Variants in PKNOX1 observed in about 807,000 individuals in gnomAD.
The protein encoded by PKNOX1 is homeobox protein PKNOX1.
Under a neutral mutation model 51.9 loss-of-function variants are expected in PKNOX1, and 15 were observed. The ratio of observed to expected loss-of-function variants is 0.29; its 90% CI spans 0.19 to 0.45. The LOEUF (loss-of-function observed/expected upper bound fraction) is 0.45, where lower values mean the gene tolerates loss of function less well. Ranked by LOEUF, PKNOX1 falls within the 20% of genes least tolerant of loss-of-function variation. PKNOX1 has a pLI of 1.00. For synonymous variants in PKNOX1, 219 were observed against 211.1 expected (o/e 1.04, Z -0.32); for missense variants, 462 against 547.5 (o/e 0.84, Z 1.56).
chr21:43,011,031 A>T (rs1263862546), intron 4 of PKNOX1, among the ~76,000 whole-genome samples: 1 of 150,754 alleles, frequency 6.6e-6, no homozygotes, highest in African/African-American at 2.4e-5. Context: ...GGACATGGAC[A>T]CAGACTTGAG....
chr21:42,975,514 TG>T (rs2146211704), intron 1 of PKNOX1, among the ~76,000 whole-genome samples: 1 of 152,302 alleles, frequency 6.6e-6, no homozygotes, highest in East Asian at 1.9e-4. Flanking sequence ...GCACCTTCCT[TG>T]TGAGGGAAAT....
intron 1 of PKNOX1, among the ~76,000 whole-genome samples, chr21:42,989,877 T>C (rs116340085): frequency 0.015 from 2,306 of 152,176 alleles, 77 homozygotes; most frequent in African/African-American, 0.052. Context: ...GGAGGGCAGA[T>C]TGCTTGAGCT....
Position 43,031,741 on chromosome 21 carries a change from T to G in PKNOX1, c.*1640T>G, listed in dbSNP as rs891131725. On this transcript the variant is annotated 3_prime_UTR_variant, in exon 11 of 11. Coordinates refer to ENST00000291547, the MANE Select transcript of PKNOX1 (RefSeq NM_004571.5). ...AGTGAAGAGTTTTTTCTGGAATTGA[T>G]TTTTCCCAAAAGAATATATTAATTG... The G allele has an allele frequency of 1.9e-5, 3 of 156,244 alleles. No individual in the cohort carries two copies. Among genetic ancestry groups the G allele is most frequent in the African/African-American group, 7.2e-5 (3 of 41,502 alleles). The allele number at this position is 156,244 out of a possible 1,614,324, so 9.7% of individuals were successfully genotyped here.
intron 1 of PKNOX1, among the ~76,000 whole-genome samples, chr21:42,987,142 G>T (rs1180860084): frequency 6.6e-6 from 1 of 151,882 alleles, no homozygotes; most frequent in African/African-American, 2.4e-5. Flanking sequence ...AGCACTTTGG[G>T]AGGCCAAAGT....
chr21:43,008,061 TCACACACACACACA>T (rs56932866), intron 3 of PKNOX1, among the ~76,000 whole-genome samples: 1 of 146,776 alleles, frequency 6.8e-6, no homozygotes, highest in Non-Finnish European at 1.5e-5. Context: ...CAAAACTCTG[TCACACACACACACA>T]CACACACACA....
chr21:43,018,255 CT>C (rs1159080737), intron 7 of PKNOX1, 25 bp downstream of exon 7: 10 of 1,517,216 alleles, frequency 6.6e-6, no homozygotes, highest in Non-Finnish European at 7.3e-6. Flanking sequence ...TTATGGAAGG[CT>C]TTGGGGGCGA....
chr21:43,005,576 C>T (rs1978951431), intron 2 of PKNOX1, among the ~76,000 whole-genome samples: 1 of 151,708 alleles, frequency 6.6e-6, no homozygotes, highest in Non-Finnish European at 1.5e-5. Flanking sequence ...TAATGTCCCG[C>T]CTGAGCTCTC....
intron 1 of PKNOX1, among the ~76,000 whole-genome samples, chr21:42,987,402 A>ATAT (rs1386575562): frequency 1.4e-4 from 9 of 62,582 alleles, no homozygotes; most frequent in East Asian, 1.0e-3. Flanking sequence ...AAAAAAAAAA[A>ATAT]AAATATATAT....
chr21:43,006,219 G>A (rs1412469338), intron 2 of PKNOX1, among the ~76,000 whole-genome samples: 2 of 152,112 alleles, frequency 1.3e-5, no homozygotes, highest in African/African-American at 4.8e-5. Context: ...CGTCTCCCAG[G>A]TTCAAGCAAT....
rs377059598 is a variant in PKNOX1 at position 42,983,356 on chromosome 21, A to G, written c.-57+8692A>G. Among the ~76,000 whole-genome samples the G allele has an allele frequency of 5.9e-5, 9 of 152,128 alleles. No individual in the cohort carries two copies. In the South Asian group the frequency reaches 6.2e-4, roughly 11 times the overall value. On this transcript the variant is annotated intron_variant, in intron 1 of 10. Transcript: ENST00000291547. ...CTACTTCCTGTCTCTGAATTTCGCT[A>G]CTATAGGGACTTCATACCAGTGGAA...
intron 1 of PKNOX1, among the ~76,000 whole-genome samples, chr21:42,987,404 A>AATATATATATATATATATAT (rs1170402960): frequency 7.5e-4 from 31 of 41,364 alleles, no homozygotes; most frequent in East Asian, 1.7e-3. Flanking sequence ...AAAAAAAAAA[A>AATATATATATATATATATAT]ATATATATAT....
Position 43,017,378 on chromosome 21 carries a change from G to A in PKNOX1, c.622+371G>A, listed in dbSNP as rs140552129. Reference sequence around the variant, plus strand: ...GATGACAAATAAAAATGCAGTCTTAGCATTGGTATTACTTGTAGAACAAAA... The same window carrying A: ...GATGACAAATAAAAATGCAGTCTTAACATTGGTATTACTTGTAGAACAAAA... On this transcript the variant is annotated intron_variant, in intron 6 of 10. Transcript: ENST00000291547. The A allele has an allele frequency of 3.6e-3, 607 of 169,666 alleles. 2 individuals carry two copies. The highest frequency in any genetic ancestry group is 0.031 in the Middle Eastern group (10 of 324). The allele number at this position is 169,666 out of a possible 1,614,324, so 10.5% of individuals were successfully genotyped here. A position where few individuals can be genotyped will look rare whatever the true frequency, so the allele number is the denominator to read the frequency against.
chr21:43,022,207 G>A (rs1979791435), intron 8 of PKNOX1, among the ~76,000 whole-genome samples: 1 of 152,200 alleles, frequency 6.6e-6, no homozygotes, highest in Non-Finnish European at 1.5e-5. Flanking sequence ...ATATCCGCCT[G>A]TGTCCCAGCC....
At chr21:42,981,642 C>T (rs369177693) in intron 1 of PKNOX1, among the ~76,000 whole-genome samples, 16 of 152,256 alleles carry the variant, frequency 1.1e-4, no homozygotes, top group African/African-American at 2.6e-4. Flanking sequence ...CCACTGCAGC[C>T]GGGAGCTTCT....
intron 1 of PKNOX1, among the ~76,000 whole-genome samples, chr21:42,987,755 A>T (rs2059062508): frequency 6.6e-6 from 1 of 151,080 alleles, no homozygotes; most frequent in Admixed American, 6.6e-5. Context: ...AGTAGCTGGG[A>T]CTACAGGTGC....
intron 1 of PKNOX1, chr21:43,003,803 G>T (rs1341911047): frequency 2.6e-5 from 4 of 152,584 alleles, no homozygotes; most frequent in Non-Finnish European, 5.9e-5. Context: ...GACTGAAAAT[G>T]TAATAGCAAG....
rs1471280270 is a variant in PKNOX1, at chr21:43,032,064, T to C, written c.*1963T>C. 1 of 419,860 alleles carries C rather than the reference T, an allele frequency of 2.4e-6. No individual in the cohort carries two copies. The highest frequency in any genetic ancestry group is 4.8e-6 in the Non-Finnish European group (1 of 208,608). The allele number at this position is 419,860 out of a possible 1,614,324, so 26.0% of individuals were successfully genotyped here. A position where few individuals can be genotyped will look rare whatever the true frequency, so the allele number is the denominator to read the frequency against. On this transcript the variant is annotated 3_prime_UTR_variant, in exon 11 of 11. Coordinates refer to ENST00000291547, the MANE Select transcript of PKNOX1 (RefSeq NM_004571.5). ...TTAGTAGAGATGGGTTTCTCCATGT[T>C]GGTCGGGCTGGTCTCGAACTCCCGA... is the stretch of plus-strand genomic sequence containing the variant.
intron 5 of PKNOX1, among the ~76,000 whole-genome samples, chr21:43,013,651 T>C (rs1979352910): frequency 6.6e-6 from 1 of 152,190 alleles, no homozygotes; most frequent in Admixed American, 6.5e-5. Flanking sequence ...TCCAGAACTT[T>C]CTCATCTTCT....
In PKNOX1 at chr21:42,991,584, T is replaced by C. The variant is rs933629221; in HGVS notation, c.-56-12742T>C. 5.3e-5 allele frequency among the ~76,000 whole-genome samples: 8 copies of C among 152,036 alleles called. No individual in the cohort carries two copies. In the South Asian group the frequency reaches 6.2e-4, roughly 12 times the overall value. ...TACTAAAAATTCAAAAAAATTTAGC[T>C]GGGCATGGTGGCGGGCACCTGTAGT... On this transcript the variant is annotated intron_variant, in intron 1 of 10. Transcript: ENST00000291547.
Sources: allele counts gnomAD v4.1 joint callset (sites outside exome capture counted in the v4.1 genomes callset), GRCh38; gene constraint gnomAD v4.1.1; transcripts MANE v1.5; gene names NCBI Gene and HGNC (gene_info 2026-07-23, HGNC 2026-07-21).